Variants in APC observed in about 807,000 individuals in gnomAD.
APC encodes the protein adenomatous polyposis coli protein.
APC carries 72 observed loss-of-function variants against 247.0 expected under a neutral mutation model. The ratio of observed to expected loss-of-function variants is 0.29; its 90% CI spans 0.24 to 0.35. APC has a LOEUF of 0.35. Ranked by LOEUF, APC falls within the 10% of genes least tolerant of loss-of-function variation. The probability of loss-of-function intolerance (pLI) is 1.00; values close to 1 mark genes in which losing one functional copy is unlikely to be tolerated. For synonymous variants in APC, 1,254 were observed against 1,162.5 expected, an observed-to-expected ratio of 1.08 and a Z score of -1.60; for missense variants, 3,400 against 3,360.7, an observed-to-expected ratio of 1.01 and a Z score of -0.29.
chr5:112,818,217 A>G (rs907462152), intron 9 of APC, among the ~76,000 whole-genome samples: 1 of 152,334 alleles, frequency 6.6e-6, no homozygotes, highest in South Asian at 2.1e-4. Flanking sequence ...CTACTTTTAT[A>G]TAATACCCTC....
chr5:112,707,721 T>A (rs1466839809), exon 1 of APC: 2 of 1,370,632 alleles, frequency 1.5e-6, no homozygotes, highest in Non-Finnish European at 1.9e-6. Context: ...GCCCCCTATG[T>A]ACGCCTCCCT....
At position 112,775,459 on chromosome 5, in the gene APC, A is replaced by G. The variant is rs73218114; in HGVS notation, c.423-170A>G. On this transcript the variant is annotated intron_variant, in intron 4 of 15. Coordinates refer to ENST00000257430, the MANE Select transcript of APC (RefSeq NM_000038.6). Reference sequence around the variant, plus strand: ...TAATACTCTAATTTTAATGACTGTAATATTCTAAGTCCTACCTTTAAAAAT... The same window carrying G: ...TAATACTCTAATTTTAATGACTGTAGTATTCTAAGTCCTACCTTTAAAAAT... Among the ~76,000 whole-genome samples the G allele has an allele frequency of 9.1e-4, 139 of 152,230 alleles. 1 individual carries two copies. Among genetic ancestry groups the G allele is most frequent in the African/African-American group, 2.8e-3 (118 of 41,578 alleles).
intron 4 of APC, among the ~76,000 whole-genome samples, chr5:112,768,463 C>G (rs959068654): frequency 6.7e-6 from 1 of 149,044 alleles, no homozygotes; most frequent in Non-Finnish European, 1.5e-5. Context: ...TAAAAGATGA[C>G]TCTTTTCATT....
intron 14 of APC, among the ~76,000 whole-genome samples, chr5:112,833,723 T>G (rs1037970899): frequency 6.6e-6 from 1 of 152,228 alleles, no homozygotes; most frequent in Admixed American, 6.5e-5. Context: ...GTTAGGGAGT[T>G]CCAGGTTTTC....
intron 1 of APC, among the ~76,000 whole-genome samples, chr5:112,745,276 A>G (rs1241275304): frequency 6.6e-6 from 1 of 152,108 alleles, no homozygotes; most frequent in Admixed American, 6.5e-5. Flanking sequence ...TAAGCAATGT[A>G]TCAATGACAA....
At chr5:112,736,568 T>G (rs1752399424), upstream of APC, among the ~76,000 whole-genome samples, 1 of 152,250 alleles carries the variant, frequency 6.6e-6, no homozygotes, top group Admixed American at 6.5e-5. Context: ...ATAGCTTGCT[T>G]CTTTTCATAC....
chr5:112,736,500 T>A (rs1182062273), upstream of APC, among the ~76,000 whole-genome samples: 1 of 152,250 alleles, frequency 6.6e-6, no homozygotes, highest in Non-Finnish European at 1.5e-5. Context: ...GTGTGTCTAT[T>A]GCTTTTCTAA....
At chr5:112,837,271 A>T (rs1397568939) in intron 15 of APC, among the ~76,000 whole-genome samples, 1 of 152,184 alleles carries the variant, frequency 6.6e-6, no homozygotes, top group African/African-American at 2.4e-5. Flanking sequence ...GAATAGAGTA[A>T]ATGTATGTGC....
intron 1 of APC, among the ~76,000 whole-genome samples, chr5:112,726,171 A>G (rs571725648): frequency 3.9e-5 from 6 of 152,350 alleles, no homozygotes; most frequent in African/African-American, 2.4e-5. Flanking sequence ...CATGTGTTAC[A>G]GTGAGCCCCT....
chr5:112,786,886 C>CTTTTTTT, intron 6 of APC, among the ~76,000 whole-genome samples: 125 of 118,058 alleles, frequency 1.1e-3, no homozygotes, highest in Middle Eastern at 5.0e-3. Flanking sequence ...TTTTCTTTTT[C>CTTTTTTT]TTTTTTTTTT....
chr5:112,817,337 CTAAT>C (rs1398956730), intron 9 of APC, among the ~76,000 whole-genome samples: 1 of 152,058 alleles, frequency 6.6e-6, no homozygotes, highest in Non-Finnish European at 1.5e-5. Context: ...ACTGAAATAA[CTAAT>C]GTTGATTTAA....
rs768843972 is a variant in APC at position 112,723,376 on chromosome 5, T to C, written c.165+15494T>C. 3.3e-5 allele frequency among the ~76,000 whole-genome samples: 5 copies of C among 151,938 alleles called. 1 individual carries two copies. Among genetic ancestry groups the C allele is most frequent in the Non-Finnish European group, 5.9e-5 (4 of 67,984 alleles). On this transcript the variant is annotated intron_variant, in intron 1 of 13. Coordinates refer to the APC transcript ENST00000507379. ...ACTCAGAAAGCTGAGATGGGAGAATTGCTTGAGCCTGTGAGGCGGAGGTTG... is the reference window on the plus strand; with the variant it reads ...ACTCAGAAAGCTGAGATGGGAGAATCGCTTGAGCCTGTGAGGCGGAGGTTG...
intron 5 of APC, chr5:112,778,573 G>A (rs1757957888): frequency 7.0e-6 from 1 of 143,618 alleles, no homozygotes; most frequent in African/African-American, 2.6e-5. Context: ...TTGAGATGGA[G>A]TCTCGCTCTG....
In APC at chr5:112,839,532, C is replaced by T. The variant is rs1032236993; in HGVS notation, c.3938C>T (p.Thr1313Ile). 4 of 1,614,166 alleles carry T rather than the reference C, an allele frequency of 2.5e-6. No individual in the cohort carries two copies. The highest frequency in any genetic ancestry group is 3.4e-6 in the Non-Finnish European group (4 of 1,180,024). ...QIAEIKEKIG[T>I]RSAEDPVSEV... ...GCAGAAATAAAAGAAAAGATTGGAA[C>T]TAGGTCAGCTGAAGATCCTGTGAGC... Residue 1313 changes from threonine to isoleucine, a missense_variant, in exon 16 of 16, where the codon ACT (threonine) becomes ATT (isoleucine). Around this residue, in one of 9 missense-constraint regions of APC, gnomAD observed 715 missense variants for 656.6 expected, o/e 1.09. Coordinates refer to ENST00000257430, the MANE Select transcript of APC (RefSeq NM_000038.6). This position sits in a 1 kb window ranked among gnomAD's most constrained non-coding sequence, Gnocchi z 5.0.
rs748909443 is a variant in APC, at chr5:112,792,550, G to C, written c.729+21G>C. 22 of 1,569,596 alleles carry C rather than the reference G, an allele frequency of 1.4e-5. No homozygotes were observed. The highest frequency in any genetic ancestry group is 1.7e-5 in the Admixed American group (1 of 59,860). ...CAGAGGTTAGTAAATTGCCTTTCTT[G>C]TTTGTGGGTATAAAAATAGGTAGTT... is the stretch of plus-strand genomic sequence containing the variant. On this transcript the variant is annotated intron_variant, in intron 7 of 15. Coordinates refer to ENST00000257430, the MANE Select transcript of APC (RefSeq NM_000038.6).
intron 8 of APC, 68 bp downstream of exon 8, chr5:112,801,451 T>C: frequency 2.6e-6 from 3 of 1,173,498 alleles, no homozygotes; most frequent in Non-Finnish European, 3.7e-6. Flanking sequence ...AGCAAGATGG[T>C]TCTAAGAATG....
rs544090469 is a variant in APC, at chr5:112,714,222, C to T, written c.165+6340C>T. Among the ~76,000 whole-genome samples the T allele has an allele frequency of 3.9e-5, 6 of 152,228 alleles. No homozygotes were observed. In the South Asian group the frequency reaches 1.0e-3, roughly 26 times the overall value. ...ACATTTTTGGTTGTCACAGTGACTG[C>T]GAGGTACTACTCATAATTATTAAGT... is the stretch of plus-strand genomic sequence containing the variant. On this transcript the variant is annotated intron_variant, in intron 1 of 13. Transcript: ENST00000507379.
rs897169917 is a variant in APC at position 112,836,171 on chromosome 5, C to G, written c.1958+1006C>G. Among the ~76,000 whole-genome samples the G allele has an allele frequency of 1.1e-4, 8 of 70,988 alleles. 3 individuals carry two copies. The highest frequency in any genetic ancestry group is 2.8e-4 in the Non-Finnish European group (8 of 28,954). 46.6% of individuals were successfully genotyped at this position (70,988 alleles called of 152,430 possible). A position where few individuals can be genotyped will look rare whatever the true frequency, so the allele number is the denominator to read the frequency against. Reference sequence around the variant, plus strand: ...GAGTAGCTGGGATTACAGGTCCCCCCCCCCCCCCGCCACCGTGCCCGGCTA... The same window carrying G: ...GAGTAGCTGGGATTACAGGTCCCCCGCCCCCCCCGCCACCGTGCCCGGCTA... On this transcript the variant is annotated intron_variant, in intron 15 of 15. Coordinates refer to ENST00000257430, the MANE Select transcript of APC (RefSeq NM_000038.6).
At chr5:112,827,628 G>A (rs1763835911) in intron 12 of APC, among the ~76,000 whole-genome samples, 1 of 152,186 alleles carries the variant, frequency 6.6e-6, no homozygotes, top group African/African-American at 2.4e-5. Context: ...ACCAAGGCAA[G>A]TGTTACACAC....
Sources: allele counts gnomAD v4.1 joint callset (sites outside exome capture counted in the v4.1 genomes callset), GRCh38; gene constraint gnomAD v4.1.1; regional missense constraint gnomAD v4.1.1; non-coding constraint Gnocchi (gnomAD v3.1); transcripts MANE v1.5; gene names NCBI Gene and HGNC (gene_info 2026-07-23, HGNC 2026-07-21).